The following OSBPL9 variants were observed in gnomAD, a reference collection of about 807,000 sequenced individuals.
OSBPL9 encodes the protein oxysterol binding protein like 9, also known as oxysterol-binding protein-related protein 9.
A neutral mutation model predicts 106.6 loss-of-function variants in OSBPL9; 40 were observed. The observed-to-expected ratio is 0.38, with a 90% confidence interval of 0.29 to 0.49. The LOEUF (loss-of-function observed/expected upper bound fraction) is 0.49. OSBPL9 is among the 20% of genes least tolerant of loss of function. The pLI, the probability that OSBPL9 is intolerant of heterozygous loss-of-function variation, is 0.97. For synonymous variants in OSBPL9, 269 were observed against 295.4 expected, an observed-to-expected ratio of 0.91 and a Z score of 0.92; for missense variants, 609 against 887.2, an observed-to-expected ratio of 0.69 and a Z score of 3.98.
intron 1 of OSBPL9, among the ~76,000 whole-genome samples, chr1:51,578,372 A>G (rs1645198814): frequency 6.6e-6 from 1 of 152,204 alleles, no homozygotes; most frequent in South Asian, 2.1e-4. Flanking sequence ...ATGAAACCTG[A>G]CACAATTTAG....
At chr1:51,540,615 C>T in the OSBPL9 span, among the ~76,000 whole-genome samples, 11 of 150,180 alleles carry the variant, frequency 7.3e-5, no homozygotes, top group Admixed American at 1.3e-4. Context: ...GATAGCACCA[C>T]TGCACTCCAG....
chr1:51,719,558 T>G (rs1187284944), intron 4 of OSBPL9, among the ~76,000 whole-genome samples: 1 of 152,164 alleles, frequency 6.6e-6, no homozygotes, highest in Non-Finnish European at 1.5e-5. Context: ...GTAGGTTTTA[T>G]AGTTTCCTAT....
chr1:51,735,045 G>A (rs1254817067), intron 4 of OSBPL9, among the ~76,000 whole-genome samples: 3 of 152,052 alleles, frequency 2.0e-5, no homozygotes, highest in East Asian at 1.9e-4. Context: ...TCTCTCTTCC[G>A]TGCTCTAGGA....
intron 1 of OSBPL9, among the ~76,000 whole-genome samples, chr1:51,633,820 T>A (rs933735827): frequency 9.2e-5 from 14 of 152,096 alleles, no homozygotes; most frequent in Non-Finnish European, 1.3e-4. Flanking sequence ...AAATGGGGCC[T>A]CACTATGTTG....
chr1:51,650,690 A>G (rs1057016895), intron 1 of OSBPL9, among the ~76,000 whole-genome samples: 6 of 152,244 alleles, frequency 3.9e-5, no homozygotes, highest in Non-Finnish European at 8.8e-5. Context: ...TCTTTAAAAC[A>G]TAATCATTCA....
Position 51,788,875 on chromosome 1 carries a change from A to AAT in OSBPL9, c.*1088_*1089dup, listed in dbSNP as rs1678356491. ...CTATCTATCATCTTTTTTATTTAAA[A>AAT]ATACATTAAAAAAACAGGTATTAGT... is the stretch of plus-strand genomic sequence containing the variant. On this transcript the variant is annotated 3_prime_UTR_variant, in exon 24 of 24. Transcript: ENST00000428468. Among the ~76,000 whole-genome samples, 2 of 151,856 alleles carry AAT rather than the reference A, an allele frequency of 1.3e-5. No individual in the cohort carries two copies. Among genetic ancestry groups the AAT allele is most frequent in the South Asian group, 4.2e-4 (2 of 4,806 alleles).
chr1:51,640,497 T>G (rs1645719535), intron 1 of OSBPL9, among the ~76,000 whole-genome samples: 1 of 151,658 alleles, frequency 6.6e-6, no homozygotes, highest in African/African-American at 2.4e-5. Flanking sequence ...ATATTATTAA[T>G]CTCTAATTGT....
chr1:51,761,080 C>T (rs925959454), intron 10 of OSBPL9, among the ~76,000 whole-genome samples: 5 of 152,158 alleles, frequency 3.3e-5, no homozygotes, highest in African/African-American at 7.2e-5. Flanking sequence ...TCATGGCTAG[C>T]GAGGAAAAAT....
chr1:51,787,217 C>A, intron 22 of OSBPL9, 136 bp from the exon 23 acceptor site: 1 of 806,682 alleles, frequency 1.2e-6, no homozygotes, highest in Non-Finnish European at 2.0e-6. Flanking sequence ...TACTCCAGTG[C>A]CCTGGTGCCA....
intron 2 of OSBPL9, among the ~76,000 whole-genome samples, chr1:51,609,342 C>CCTT (rs1557583432): frequency 1.4e-5 from 2 of 138,256 alleles, no homozygotes; most frequent in African/African-American, 2.7e-5. Context: ...CTTCTCTCTC[C>CCTT]TTTTTTTTTT....
chr1:51,709,209 C>T (rs1446372771), intron 3 of OSBPL9: 1 of 192,490 alleles, frequency 5.2e-6, no homozygotes, highest in East Asian at 1.2e-4. Context: ...TGTGGCGACA[C>T]CGTACAAAGG....
chr1:51,642,547 CTG>C (rs1645869489), intron 1 of OSBPL9, among the ~76,000 whole-genome samples: 1 of 152,174 alleles, frequency 6.6e-6, no homozygotes, highest in Admixed American at 6.5e-5. Flanking sequence ...GCCAGACACT[CTG>C]TAGGTGGGGG....
At chr1:51,558,482 ACT>A in the OSBPL9 span, among the ~76,000 whole-genome samples, 1 of 151,924 alleles carries the variant, frequency 6.6e-6, no homozygotes, top group Non-Finnish European at 1.5e-5. Flanking sequence ...TATTTTTCCG[ACT>A]CTGCATTCTG....
intron 2 of OSBPL9, among the ~76,000 whole-genome samples, chr1:51,663,451 A>G (rs1301438031): frequency 6.6e-6 from 1 of 152,138 alleles, no homozygotes; most frequent in Non-Finnish European, 1.5e-5. Context: ...CCCTTTGGGG[A>G]TGGCTGGCTA....
intron 5 of OSBPL9, 28 bp from the exon 6 acceptor site, chr1:51,746,682 A>G: frequency 6.4e-7 from 1 of 1,560,044 alleles, no homozygotes; most frequent in Non-Finnish European, 8.8e-7. Flanking sequence ...GTGGCTTGAT[A>G]CTATAACCAT....
chr1:51,774,615 C>T (rs1342075328), intron 14 of OSBPL9, among the ~76,000 whole-genome samples: 5 of 152,092 alleles, frequency 3.3e-5, no homozygotes, highest in African/African-American at 4.8e-5. Context: ...TAAAAGAACC[C>T]TAACATATAA....
intron 1 of OSBPL9, among the ~76,000 whole-genome samples, chr1:51,633,753 C>T (rs951608685): frequency 6.6e-6 from 1 of 152,084 alleles, no homozygotes; most frequent in Non-Finnish European, 1.5e-5. Context: ...TTCAGAGTAC[C>T]TGGGACCACA....
At chr1:51,560,829 G>A in the OSBPL9 span, 1 of 152,226 alleles carries the variant, frequency 6.6e-6, no homozygotes, top group South Asian at 2.1e-4. Flanking sequence ...ATCTGTCCGG[G>A]AATTTTAATG....
intron 4 of OSBPL9, among the ~76,000 whole-genome samples, chr1:51,728,773 C>G (rs994151517): frequency 6.6e-6 from 1 of 152,174 alleles, no homozygotes; most frequent in Non-Finnish European, 1.5e-5. Flanking sequence ...CCTCTCCCAG[C>G]CTCCGCCTCC....
Sources: gnomAD v4.1 joint callset for allele counts (sites outside exome capture counted in the v4.1 genomes callset) on GRCh38, gnomAD v4.1.1 for gene constraint, MANE v1.5 for transcripts, NCBI Gene and HGNC (gene_info 2026-07-23, HGNC 2026-07-21) for gene names.